ZNF605: variants seen among roughly 807,000 people sequenced by gnomAD.
The protein encoded by ZNF605 is zinc finger protein 605.
A neutral mutation model predicts 7.9 loss-of-function variants in ZNF605; 9 were observed. That is an observed-to-expected ratio of 1.14 (90% CI 0.68 to 1.98). ZNF605 has a LOEUF of 1.98. Among genes scored for constraint, ZNF605 ranks in the 30% most tolerant of loss-of-function variants. The pLI, the probability that ZNF605 is intolerant of heterozygous loss-of-function variation, is 0.00. For synonymous variants in ZNF605, 255 were observed against 260.1 expected (o/e 0.98, Z 0.19); for missense variants, 673 against 762.4 (o/e 0.88, Z 1.38).
chr12:132,948,634 T>C (rs1310095417), intron 1 of ZNF605: 4 of 152,200 alleles, frequency 2.6e-5, no homozygotes, highest in African/African-American at 9.7e-5. Flanking sequence ...CCCACAGAAA[T>C]AGAGTAAGCA....
In ZNF605 at chr12:132,922,458, T is replaced by C. The variant is rs1394240743; in HGVS notation, c.*2915A>G. On this transcript the variant is annotated 3_prime_UTR_variant, in exon 5 of 5. Coordinates refer to ENST00000360187, the MANE Select transcript of ZNF605 (RefSeq NM_183238.4). The stretch of plus-strand genomic sequence containing the variant: ...GTATTTGTTATAATTTCTACTGCAT[T>C]GTCCAGATACAGATAGAAAATACTG... The C allele has an allele frequency of 6.6e-6, 1 of 152,222 alleles. No individual in the cohort carries two copies. The highest frequency in any genetic ancestry group is 1.5e-5 in the Non-Finnish European group (1 of 68,038). 9.4% of individuals were successfully genotyped at this position (152,222 alleles called of 1,614,324 possible).
In ZNF605 at chr12:132,926,767, A is replaced by G; in HGVS notation, c.532T>C (p.Phe178Leu). ...ATAACAAGTTGTGACTTCTTGTTAA[A>G]AAATCTGCCACATTCCATGCATAAA... is the stretch of plus-strand genomic sequence containing the variant. Reference protein sequence around the residue: ...VYLCMECGRFFNKKSQLVIHQ... With the variant: ...VYLCMECGRFLNKKSQLVIHQ... The change falls in exon 5 of 5, where the codon TTT (phenylalanine) becomes CTT (leucine). Residue 178 changes from phenylalanine (F) to leucine (L), a missense_variant. Phe to Leu is a conservative substitution (Grantham distance 22). Transcript: ENST00000360187. 1 of 1,613,962 alleles carries G rather than the reference A, an allele frequency of 6.2e-7. No homozygotes were observed.
chr12:132,952,095 G>A (rs964090562), intron 1 of ZNF605, among the ~76,000 whole-genome samples: 29 of 152,110 alleles, frequency 1.9e-4, no homozygotes, highest in African/African-American at 6.5e-4. Flanking sequence ...CAAGATGTAC[G>A]GTGTCTCTGC....
At chr12:132,942,356 G>A (rs951664170) in intron 3 of ZNF605, among the ~76,000 whole-genome samples, 6 of 152,208 alleles carry the variant, frequency 3.9e-5, no homozygotes, top group South Asian at 2.1e-4. Context: ...CCACACCTCG[G>A]CTTCCTCACG....
chr12:132,937,810 A>G (rs1018181596), intron 3 of ZNF605, among the ~76,000 whole-genome samples: 3 of 152,252 alleles, frequency 2.0e-5, no homozygotes, highest in Admixed American at 6.5e-5. Flanking sequence ...GATGTCCTTC[A>G]ATAAGTGAAT....
At chr12:132,942,352 C>T (rs1952451600) in intron 3 of ZNF605, among the ~76,000 whole-genome samples, 1 of 152,230 alleles carries the variant, frequency 6.6e-6, no homozygotes, top group Non-Finnish European at 1.5e-5. Flanking sequence ...GAGCCCACAC[C>T]TCGGCTTCCT....
At chr12:132,951,753 A>T (rs1235559743) in intron 1 of ZNF605, among the ~76,000 whole-genome samples, 6 of 152,012 alleles carry the variant, frequency 3.9e-5, no homozygotes, top group African/African-American at 1.5e-4. Flanking sequence ...CACATGTACA[A>T]CACACATCAC....
chr12:132,949,491 C>G (rs1952535008), intron 1 of ZNF605, among the ~76,000 whole-genome samples: 1 of 152,322 alleles, frequency 6.6e-6, no homozygotes, highest in South Asian at 2.1e-4. Flanking sequence ...TTTATGCACT[C>G]TTAACCTGTC....
At chr12:132,936,665 A>C (rs1229031909) in intron 3 of ZNF605, among the ~76,000 whole-genome samples, 1 of 152,212 alleles carries the variant, frequency 6.6e-6, no homozygotes, top group Non-Finnish European at 1.5e-5. Context: ...ACAATTTTAT[A>C]CTCATAAGCA....
Position 132,922,364 on chromosome 12 carries a change from A to T in ZNF605, c.*3009T>A, listed in dbSNP as rs1400975346. 1 of 152,208 alleles carries T rather than the reference A, an allele frequency of 6.6e-6. No homozygotes were observed. 9.4% of individuals were successfully genotyped at this position (152,208 alleles called of 1,614,324 possible). On this transcript the variant is annotated 3_prime_UTR_variant, in exon 5 of 5. Coordinates refer to ENST00000360187, the MANE Select transcript of ZNF605 (RefSeq NM_183238.4). ...CTTAGTAATAACTGCAAGTCTATTT[A>T]TATATGTAGCAGATGGTAACAATCT...
chr12:132,952,615 G>A (rs969042260), intron 1 of ZNF605, among the ~76,000 whole-genome samples: 28 of 151,950 alleles, frequency 1.8e-4, no homozygotes, highest in African/African-American at 6.5e-4. Context: ...CACCACTCCA[G>A]GCACCTCAGA....
chr12:132,954,505 G>GTC (rs1246750249), intron 1 of ZNF605, among the ~76,000 whole-genome samples: 1 of 133,158 alleles, frequency 7.5e-6, no homozygotes, highest in Non-Finnish European at 1.7e-5. Flanking sequence ...GAACACACTG[G>GTC]TCTCCATTCA....
intron 3 of ZNF605, among the ~76,000 whole-genome samples, chr12:132,938,020 G>A (rs1278492): frequency 0.63 from 96,448 of 152,074 alleles, 31,925 homozygotes; most frequent in Non-Finnish European, 0.75. Flanking sequence ...TCGCTCTGTC[G>A]CCCAGGCTGG....
intron 3 of ZNF605, among the ~76,000 whole-genome samples, chr12:132,938,970 G>C (rs1193027963): frequency 6.6e-6 from 1 of 151,808 alleles, no homozygotes; most frequent in Non-Finnish European, 1.5e-5. Flanking sequence ...ATTTCTCACC[G>C]AGCCTTAGCT....
chr12:132,948,858 T>C (rs1245828976), intron 1 of ZNF605, among the ~76,000 whole-genome samples: 3 of 152,050 alleles, frequency 2.0e-5, no homozygotes, highest in Non-Finnish European at 4.4e-5. Flanking sequence ...AACCCCACGG[T>C]GCACAGCCAG....
rs1269037457 is a variant in ZNF605, at chr12:132,920,092, C to G, written c.*5281G>C. 2 of 152,064 alleles carry G rather than the reference C, an allele frequency of 1.3e-5. No individual in the cohort carries two copies. Among genetic ancestry groups the G allele is most frequent in the Non-Finnish European group, 1.5e-5 (1 of 68,078 alleles). The allele number at this position is 152,064 out of a possible 1,614,324, so 9.4% of individuals were successfully genotyped here. A position where few individuals can be genotyped will look rare whatever the true frequency, so the allele number is the denominator to read the frequency against. On this transcript the variant is annotated 3_prime_UTR_variant, in exon 5 of 5. Transcript: ENST00000360187. ...TGACCTTGTGATCTGCCTGCCTTAG[C>G]CTCCCAAAGTGTTATGATTACAGGT...
intron 1 of ZNF605, among the ~76,000 whole-genome samples, chr12:132,951,005 TAC>T (rs1421472286): frequency 2.1e-5 from 3 of 144,248 alleles, no homozygotes; most frequent in Admixed American, 6.9e-5. Flanking sequence ...CGCAGACATG[TAC>T]AGACATACTG....
At chr12:132,938,383 C>A (rs1401978848) in intron 3 of ZNF605, among the ~76,000 whole-genome samples, 1 of 152,086 alleles carries the variant, frequency 6.6e-6, no homozygotes, top group African/African-American at 2.4e-5. Flanking sequence ...TCACTGCAAC[C>A]TCTGCCTCCT....
intron 4 of ZNF605, chr12:132,932,827 G>T: frequency 6.6e-7 from 1 of 1,515,226 alleles, no homozygotes. Context: ...AAACACAGAG[G>T]ACTTGGACCT....
Sources: allele counts gnomAD v4.1 joint callset (sites outside exome capture counted in the v4.1 genomes callset), GRCh38; gene constraint gnomAD v4.1.1; transcripts MANE v1.5; gene names NCBI Gene and HGNC (gene_info 2026-07-23, HGNC 2026-07-21).